CD47: variants seen among roughly 807,000 people sequenced by gnomAD.
CD47 encodes the protein leukocyte surface antigen CD47.
A neutral mutation model predicts 44.6 loss-of-function variants in CD47; 11 were observed. The ratio of observed to expected loss-of-function variants is 0.25; its 90% CI spans 0.16 to 0.41. The LOEUF (loss-of-function observed/expected upper bound fraction) is 0.41, where lower values mean the gene tolerates loss of function less well. Among genes scored for constraint, CD47 ranks in the 10% least tolerant of loss-of-function variants. The probability of loss-of-function intolerance (pLI) is 1.00; values close to 1 mark genes in which losing one functional copy is unlikely to be tolerated. For synonymous variants in CD47, 140 were observed against 136.3 expected (o/e 1.03, Z -0.19); for missense variants, 306 against 386.7 (o/e 0.79, Z 1.75).
intron 2 of CD47, 60 bp downstream of exon 2, chr3:108,079,931 C>T (rs2079384460): frequency 3.4e-6 from 4 of 1,166,600 alleles, no homozygotes; most frequent in African/African-American, 1.5e-5. Flanking sequence ...GGCCTCCTCT[C>T]GAAAGAGGAT....
At chr3:108,078,713 T>C (rs2079357396) in intron 2 of CD47, among the ~76,000 whole-genome samples, 1 of 151,520 alleles carries the variant, frequency 6.6e-6, no homozygotes. Context: ...CAAATTCTCC[T>C]TGCCTACTCG....
rs569453162 is a variant in CD47, at chr3:108,048,539, C to T, written c.967+1080G>A. Among the ~76,000 whole-genome samples the T allele has an allele frequency of 8.5e-5, 13 of 152,138 alleles. No individual in the cohort carries two copies. The South Asian group carries it at 2.7e-3, about 32-fold the overall frequency. ...AGCTGGGACCACAGGTGCCCGCCAC[C>T]ATGCCCGGCTAATTTTTTGTAGTTT... On this transcript the variant is annotated intron_variant, in intron 10 of 10. Coordinates refer to ENST00000361309, the MANE Select transcript of CD47 (RefSeq NM_001777.4).
intron 2 of CD47, among the ~76,000 whole-genome samples, chr3:108,078,315 C>T (rs75468627): frequency 6.6e-6 from 1 of 151,176 alleles, no homozygotes; most frequent in Non-Finnish European, 1.5e-5. Context: ...AAAGATAAAA[C>T]AGTCTTTCAA....
chr3:108,091,007 A>T lies in CD47; in HGVS notation c.-99T>A, dbSNP rs891497468. ...AGGACCGACCGCCGCCGCGCGTCAC[A>T]GGCAGGACCCACTGCCCAGGCTGCA... On this transcript the variant is annotated 5_prime_UTR_variant, in exon 1 of 11. Coordinates refer to ENST00000361309, the MANE Select transcript of CD47 (RefSeq NM_001777.4). 4.9e-6 allele frequency: 4 copies of T among 818,580 alleles called. No homozygotes were observed. Among genetic ancestry groups the T allele is most frequent in the Admixed American group, 4.3e-5 (1 of 23,144 alleles). 50.7% of individuals were successfully genotyped at this position (818,580 alleles called of 1,614,324 possible).
At chr3:108,080,384 G>T (rs1439890320) in intron 1 of CD47, 40 bp from the exon 2 acceptor site, 2 of 1,028,556 alleles carry the variant, frequency 1.9e-6, no homozygotes, top group African/African-American at 1.6e-5. Flanking sequence ...AATTATAGAA[G>T]TCTGTACTGT....
chr3:108,062,406 C>T (rs2079029949), intron 3 of CD47, among the ~76,000 whole-genome samples: 1 of 152,058 alleles, frequency 6.6e-6, no homozygotes, highest in African/African-American at 2.4e-5. Flanking sequence ...CCATTTTAAT[C>T]CCATATATAT....
At chr3:108,082,559 T>C (rs1388817706) in intron 1 of CD47, among the ~76,000 whole-genome samples, 1 of 152,022 alleles carries the variant, frequency 6.6e-6, no homozygotes, top group African/African-American at 2.4e-5. Flanking sequence ...CTTTGACACA[T>C]GTTCATTTTA....
rs1460645272 is a variant in CD47 at position 108,044,084 on chromosome 3, G to A, written c.*3204C>T. 2 of 152,740 alleles carry A rather than the reference G, an allele frequency of 1.3e-5. No homozygotes were observed. Among genetic ancestry groups the A allele is most frequent in the Admixed American group, 6.5e-5 (1 of 15,302 alleles). 9.5% of individuals were successfully genotyped at this position (152,740 alleles called of 1,614,324 possible). ...CAGTTTCCAACAACAGGTAAATTAA[G>A]GAGTATGTGTTTCCATACATACACC... On this transcript the variant is annotated 3_prime_UTR_variant, in exon 11 of 11. Transcript: ENST00000361309.
At chr3:108,055,061 C>T (rs1032047824) in intron 7 of CD47, among the ~76,000 whole-genome samples, 9 of 151,758 alleles carry the variant, frequency 5.9e-5, no homozygotes, top group African/African-American at 1.9e-4. Flanking sequence ...AATTAAAATG[C>T]TTCCAATAAA....
chr3:108,050,330 A>C (rs1233922406), intron 9 of CD47, among the ~76,000 whole-genome samples: 1 of 152,082 alleles, frequency 6.6e-6, no homozygotes, highest in Non-Finnish European at 1.5e-5. Context: ...GTTGGCCAGG[A>C]TGGTCTCAAT....
At chr3:108,072,682 G>A (rs2079228079) in intron 2 of CD47, among the ~76,000 whole-genome samples, 1 of 152,094 alleles carries the variant, frequency 6.6e-6, no homozygotes, top group Non-Finnish European at 1.5e-5. Context: ...CCAAAGAAAA[G>A]TCACTTCAGT....
chr3:108,062,643 T>TA (rs1491225569), intron 3 of CD47, among the ~76,000 whole-genome samples: 2 of 136,316 alleles, frequency 1.5e-5, no homozygotes, highest in East Asian at 4.0e-4. Flanking sequence ...TTTTCTTTTC[T>TA]TTTTTTTTTT....
chr3:108,066,353 G>T (rs534547061), intron 3 of CD47, among the ~76,000 whole-genome samples: 4 of 152,216 alleles, frequency 2.6e-5, no homozygotes, highest in Admixed American at 2.6e-4. Context: ...AGTTACCATG[G>T]TTTAATCAAA....
chr3:108,054,146 G>A (rs60804754), intron 7 of CD47: 5,754 of 152,316 alleles, frequency 0.038, 130 homozygotes, highest in African/African-American at 0.064. Context: ...TACTTGGGAG[G>A]CTGAGGTGGG....
In CD47 at chr3:108,047,102, TAA is replaced by T. The variant is rs1178412576; in HGVS notation, c.*184_*185del. 2.2e-6 allele frequency: 1 copy of T among 450,880 alleles called. No homozygotes were observed. Among genetic ancestry groups the T allele is most frequent in the Non-Finnish European group, 4.0e-6 (1 of 252,704 alleles). 27.9% of individuals were successfully genotyped at this position (450,880 alleles called of 1,614,324 possible). A position where few individuals can be genotyped will look rare whatever the true frequency, so the allele number is the denominator to read the frequency against. ...CATAGATCATAATTATTTTATTAAC[TAA>T]ATTACAGCTGCTTTGAATAAAAACT... On this transcript the variant is annotated 3_prime_UTR_variant, in exon 11 of 11. Transcript: ENST00000361309.
At chr3:108,050,490 C>G in intron 9 of CD47, 88 bp downstream of exon 9, 1 of 685,802 alleles carries the variant, frequency 1.5e-6, no homozygotes, top group Non-Finnish European at 2.6e-6. Flanking sequence ...TAGATTCTTC[C>G]TAAGGCATAG....
At chr3:108,078,130 CTT>C (rs2108263497) in intron 2 of CD47, among the ~76,000 whole-genome samples, 1 of 152,148 alleles carries the variant, frequency 6.6e-6, no homozygotes, top group Non-Finnish European at 1.5e-5. Context: ...AGCTCTCTAT[CTT>C]TGAATCGTCC....
chr3:108,060,660 G>A, intron 4 of CD47, 85 bp downstream of exon 4: 1 of 858,014 alleles, frequency 1.2e-6, no homozygotes, highest in Non-Finnish European at 2.0e-6. Flanking sequence ...TGTTCCAACA[G>A]CCCTAGGAAA....
At chr3:108,079,627 G>T (rs192013786) in intron 2 of CD47, among the ~76,000 whole-genome samples, 22 of 107,546 alleles carry the variant, frequency 2.0e-4, no homozygotes, top group African/African-American at 7.9e-4. Flanking sequence ...TAATTGGAAA[G>T]AGACTTGAAA....
Sources: allele counts gnomAD v4.1 joint callset (sites outside exome capture counted in the v4.1 genomes callset), GRCh38; gene constraint gnomAD v4.1.1; transcripts MANE v1.5; gene names NCBI Gene and HGNC (gene_info 2026-07-23, HGNC 2026-07-21).